GHR: variants seen among roughly 807,000 people sequenced by gnomAD.
GHR encodes growth hormone receptor.
GHR carries 35 observed loss-of-function variants against 67.1 expected under a neutral mutation model. The ratio of observed to expected loss-of-function variants is 0.52; its 90% CI spans 0.40 to 0.69. The LOEUF is 0.69. Among genes scored for constraint, GHR ranks in the 30% least tolerant of loss-of-function variants. The pLI is 0.00. For missense variants in GHR, 792 were observed against 764.6 expected (o/e 1.04, Z -0.42); for synonymous variants, 272 against 269.1 (o/e 1.01, Z -0.10).
At chr5:42,432,981 T>C (rs1743160346) in intron 1 of GHR, among the ~76,000 whole-genome samples, 2 of 152,190 alleles carry the variant, frequency 1.3e-5, no homozygotes. Context: ...CAAAAGGATG[T>C]AGATAGGATC....
At chr5:42,584,285 T>C (rs1472351785) in intron 2 of GHR, among the ~76,000 whole-genome samples, 1 of 152,176 alleles carries the variant, frequency 6.6e-6, no homozygotes, top group East Asian at 1.9e-4. Context: ...TTTAAATGAA[T>C]GTTTAATAAT....
At chr5:42,446,772 A>C (rs1447911515) in intron 1 of GHR, among the ~76,000 whole-genome samples, 1 of 152,254 alleles carries the variant, frequency 6.6e-6, no homozygotes. Context: ...TTGAGATGTC[A>C]GTATAACACA....
chr5:42,603,739 G>A (rs1053309211), intron 2 of GHR, among the ~76,000 whole-genome samples: 6 of 152,160 alleles, frequency 3.9e-5, no homozygotes, highest in African/African-American at 1.4e-4. Context: ...TTTAGGGAAG[G>A]GGTGGTTTCC....
rs758515730 is a variant in GHR, at chr5:42,719,406, G to A, written c.1899G>A (p.Leu633=). 4.3e-6 allele frequency: 7 copies of A among 1,613,262 alleles called. No individual in the cohort carries two copies. Among genetic ancestry groups the A allele is most frequent in the Non-Finnish European group, 5.9e-6 (7 of 1,179,938 alleles). The part of the protein sequence containing the change: ...SSCGYVSTDQ[L]NKIMP ...GTGGCTATGTGAGCACAGACCAACT[G>A]AACAAAATCATGCCTTAGCCTTTCT... Residue 633 remains leucine, a synonymous_variant, in exon 10 of 10, where the codon CTG becomes CTA. Transcript: ENST00000230882.
chr5:42,593,729 G>A (rs1009915830), intron 2 of GHR, among the ~76,000 whole-genome samples: 5 of 152,178 alleles, frequency 3.3e-5, no homozygotes, highest in African/African-American at 1.2e-4. Flanking sequence ...GAAATAGATG[G>A]TGATTTCAGA....
chr5:42,544,916 C>CT (rs1007533481), intron 1 of GHR, among the ~76,000 whole-genome samples: 40 of 151,980 alleles, frequency 2.6e-4, no homozygotes, highest in South Asian at 1.5e-3. Context: ...CAATTTTTTA[C>CT]TTTTTTTTGT....
intron 1 of GHR, among the ~76,000 whole-genome samples, chr5:42,525,722 CA>C (rs761424900): frequency 2.2e-4 from 34 of 152,098 alleles, no homozygotes; most frequent in African/African-American, 7.7e-4. Flanking sequence ...GGGAGGGACC[CA>C]GGGGGAGGTA....
chr5:42,433,275 C>T (rs544736991), intron 1 of GHR, among the ~76,000 whole-genome samples: 9 of 151,510 alleles, frequency 5.9e-5, no homozygotes, highest in South Asian at 2.1e-4. Flanking sequence ...TTATTTTTCT[C>T]GGTGCATATA....
chr5:42,670,398 G>A (rs1756211816), intron 3 of GHR, among the ~76,000 whole-genome samples: 1 of 152,090 alleles, frequency 6.6e-6, no homozygotes. Flanking sequence ...TTAAACATAA[G>A]CCCTGAAACT....
At chr5:42,659,112 T>C (rs1231401349) in intron 3 of GHR, 1 of 152,214 alleles carries the variant, frequency 6.6e-6, no homozygotes, top group Non-Finnish European at 1.5e-5. Context: ...TGGTTGTTTA[T>C]TGAAGACTAA....
chr5:42,507,172 A>G (rs1219515273), intron 1 of GHR, among the ~76,000 whole-genome samples: 4 of 152,248 alleles, frequency 2.6e-5, no homozygotes, highest in Non-Finnish European at 5.9e-5. Flanking sequence ...TGTTTATGAT[A>G]TAAAATCAGC....
chr5:42,605,388 G>A (rs1024279494), intron 2 of GHR, among the ~76,000 whole-genome samples: 1 of 152,016 alleles, frequency 6.6e-6, no homozygotes, highest in East Asian at 1.9e-4. Flanking sequence ...TTATAGATGA[G>A]AGCCACCGCG....
chr5:42,605,090 CTTTT>C (rs57499086), intron 2 of GHR, among the ~76,000 whole-genome samples: 2 of 90,070 alleles, frequency 2.2e-5, no homozygotes, highest in Admixed American at 1.2e-4. Context: ...TGTGGTGCCT[CTTTT>C]TTTTTTTTTT....
At chr5:42,620,285 C>A in intron 2 of GHR, among the ~76,000 whole-genome samples, 1 of 152,066 alleles carries the variant, frequency 6.6e-6, no homozygotes, top group East Asian at 1.9e-4. Flanking sequence ...TAAGTAAAAT[C>A]ATAATGCCTC....
chr5:42,507,118 G>A (rs1746811433), intron 1 of GHR, among the ~76,000 whole-genome samples: 2 of 152,276 alleles, frequency 1.3e-5, no homozygotes, highest in Admixed American at 6.5e-5. Context: ...GCTTTTATTA[G>A]GCTGGGAGAA....
At chr5:42,594,358 A>T (rs939287697) in intron 2 of GHR, among the ~76,000 whole-genome samples, 1 of 152,234 alleles carries the variant, frequency 6.6e-6, no homozygotes, top group Non-Finnish European at 1.5e-5. Context: ...CTCCATGGTC[A>T]CTGTCACTTC....
intron 2 of GHR, among the ~76,000 whole-genome samples, chr5:42,586,236 CCT>C (rs1751468146): frequency 6.6e-6 from 1 of 152,064 alleles, no homozygotes. Flanking sequence ...CCAATCTATC[CCT>C]GACTCCTATT....
chr5:42,638,650 C>A (rs73087468), intron 3 of GHR, among the ~76,000 whole-genome samples: 1 of 152,144 alleles, frequency 6.6e-6, no homozygotes, highest in East Asian at 1.9e-4. Context: ...TCGTATGGGA[C>A]GACTATCATA....
chr5:42,670,134 A>G (rs950698049), intron 3 of GHR, among the ~76,000 whole-genome samples: 2 of 152,232 alleles, frequency 1.3e-5, no homozygotes, highest in Admixed American at 1.3e-4. Flanking sequence ...TTACAAAGCT[A>G]CAATATTCAA....
Sources: gnomAD v4.1 joint callset for allele counts (sites outside exome capture counted in the v4.1 genomes callset) on GRCh38, gnomAD v4.1.1 for gene constraint, MANE v1.5 for transcripts, NCBI Gene and HGNC (gene_info 2026-07-23, HGNC 2026-07-21) for gene names.